The following SPCS2 variants were observed in gnomAD, a reference collection of about 807,000 sequenced individuals.
The protein encoded by SPCS2 is SPase 25 kDa subunit.
SPCS2 carries 3 observed loss-of-function variants against 22.3 expected under a neutral mutation model. That is an observed-to-expected ratio of 0.13 (90% CI 0.06 to 0.35). The LOEUF (loss-of-function observed/expected upper bound fraction) is 0.35. Ranked by LOEUF, SPCS2 falls within the 10% of genes least tolerant of loss-of-function variation. The probability of loss-of-function intolerance (pLI) is 1.00; values close to 1 mark genes in which losing one functional copy is unlikely to be tolerated. For synonymous variants in SPCS2, 67 were observed against 97.2 expected, an observed-to-expected ratio of 0.69 and a Z score of 1.83; for missense variants, 169 against 280.9, an observed-to-expected ratio of 0.60 and a Z score of 2.85.
At chr11:74,958,683 C>G (rs531436018) in intron 1 of SPCS2, among the ~76,000 whole-genome samples, 60 of 152,296 alleles carry the variant, frequency 3.9e-4, no homozygotes, top group African/African-American at 1.4e-3. Flanking sequence ...ATGGCTCCAA[C>G]AAGTCATCCA....
At chr11:74,961,134 A>C (rs1187831667) in intron 1 of SPCS2, among the ~76,000 whole-genome samples, 1 of 152,188 alleles carries the variant, frequency 6.6e-6, no homozygotes, top group Non-Finnish European at 1.5e-5. Context: ...CAATACATAC[A>C]GTCAGGTAAC....
intron 4 of SPCS2, among the ~76,000 whole-genome samples, chr11:74,972,239 T>A (rs1948588908): frequency 6.6e-6 from 1 of 152,136 alleles, no homozygotes; most frequent in Non-Finnish European, 1.5e-5. Flanking sequence ...AATTTTTGTA[T>A]TTTTTGTAGA....
At chr11:74,960,264 G>A (rs1457237656) in intron 1 of SPCS2, among the ~76,000 whole-genome samples, 1 of 152,234 alleles carries the variant, frequency 6.6e-6, no homozygotes, top group Non-Finnish European at 1.5e-5. Flanking sequence ...CCCAGGAGGC[G>A]GAGGTTACAG....
intron 4 of SPCS2, among the ~76,000 whole-genome samples, chr11:74,976,244 G>C (rs1948613019): frequency 6.6e-6 from 1 of 152,184 alleles, no homozygotes. Context: ...AGACAATCCT[G>C]ATTCAAGCAC....
intron 1 of SPCS2, among the ~76,000 whole-genome samples, chr11:74,958,521 A>G (rs979156076): frequency 6.6e-6 from 1 of 152,150 alleles, no homozygotes; most frequent in Admixed American, 6.5e-5. Flanking sequence ...GGGGGGATAT[A>G]GGCACTATAT....
intron 1 of SPCS2, among the ~76,000 whole-genome samples, chr11:74,952,000 G>T (rs1433964007): frequency 6.6e-6 from 1 of 152,068 alleles, no homozygotes; most frequent in Non-Finnish European, 1.5e-5. Context: ...CTCTCTAAAG[G>T]AACTGTAGTG....
Position 74,977,949 on chromosome 11 carries a change from T to C in SPCS2, c.*906T>C, listed in dbSNP as rs1253779845. The C allele has an allele frequency of 6.6e-6, 1 of 152,230 alleles. No homozygotes were observed. Among genetic ancestry groups the C allele is most frequent in the East Asian group, 1.9e-4 (1 of 5,202 alleles). 9.4% of individuals were successfully genotyped at this position (152,230 alleles called of 1,614,324 possible). On this transcript the variant is annotated 3_prime_UTR_variant, in exon 5 of 5. Coordinates refer to ENST00000263672, the MANE Select transcript of SPCS2 (RefSeq NM_014752.3). ...AAATGCTCCAAGTACTTTACATGTGTTAATAATGCTCACAGCAATCCTAAG... is the reference window on the plus strand; with the variant it reads ...AAATGCTCCAAGTACTTTACATGTGCTAATAATGCTCACAGCAATCCTAAG...
intron 4 of SPCS2, among the ~76,000 whole-genome samples, chr11:74,973,126 G>T (rs371434279): frequency 3.9e-5 from 6 of 152,112 alleles, no homozygotes; most frequent in African/African-American, 1.4e-4. Flanking sequence ...GCAAGTGGTG[G>T]CTGATGTTTC....
intron 1 of SPCS2, among the ~76,000 whole-genome samples, chr11:74,953,532 G>A (rs1006615978): frequency 1.2e-4 from 19 of 152,242 alleles, no homozygotes; most frequent in South Asian, 4.1e-4. Flanking sequence ...TGATTTGGGC[G>A]GGGAGGGTTT....
intron 1 of SPCS2, among the ~76,000 whole-genome samples, chr11:74,961,054 T>C (rs1249339596): frequency 6.6e-6 from 1 of 151,638 alleles, no homozygotes; most frequent in Non-Finnish European, 1.5e-5. Context: ...AAAAAAGCTA[T>C]TGAGAGTATA....
At chr11:74,950,094 G>A (rs909170915) in intron 1 of SPCS2, among the ~76,000 whole-genome samples, 1 of 152,014 alleles carries the variant, frequency 6.6e-6, no homozygotes. Context: ...TAGCAACAAG[G>A]GTTTAAAAGA....
chr11:74,951,526 C>T (rs755527697), intron 1 of SPCS2, among the ~76,000 whole-genome samples: 1 of 151,844 alleles, frequency 6.6e-6, no homozygotes, highest in Non-Finnish European at 1.5e-5. Flanking sequence ...GAGTAAGAGC[C>T]TCGGCCGGGC....
intron 1 of SPCS2, among the ~76,000 whole-genome samples, chr11:74,951,285 A>T (rs1447558598): frequency 6.6e-6 from 1 of 152,228 alleles, no homozygotes; most frequent in Non-Finnish European, 1.5e-5. Context: ...AGAACCAAGT[A>T]AGACAGTACA....
rs190083726 is a variant in SPCS2, at chr11:74,956,221, A to G, written c.114+6822A>G. ...TACCCTCATCCCAAGGTGATACCCA[A>G]TGTCATGACTTAAATAACATGTAGA... On this transcript the variant is annotated intron_variant, in intron 1 of 4. Transcript: ENST00000263672. Among the ~76,000 whole-genome samples, 1,300 of 151,940 alleles carry G rather than the reference A, an allele frequency of 8.6e-3. 9 individuals carry two copies. The highest frequency in any genetic ancestry group is 0.037 in the South Asian group (176 of 4,802).
chr11:74,959,659 T>A (rs1261507950), intron 1 of SPCS2, among the ~76,000 whole-genome samples: 1 of 152,232 alleles, frequency 6.6e-6, no homozygotes, highest in Non-Finnish European at 1.5e-5. Flanking sequence ...CACCTTGGCC[T>A]CCCAAAGTGC....
chr11:74,975,548 C>G (rs1001554621), intron 4 of SPCS2, among the ~76,000 whole-genome samples: 2 of 152,158 alleles, frequency 1.3e-5, no homozygotes, highest in African/African-American at 4.8e-5. Flanking sequence ...TCATGGACTG[C>G]CACCAAAGCC....
chr11:74,955,439 C>A (rs997359850), intron 1 of SPCS2, among the ~76,000 whole-genome samples: 1 of 151,896 alleles, frequency 6.6e-6, no homozygotes, highest in Non-Finnish European at 1.5e-5. Flanking sequence ...CCTGAAAATG[C>A]GCTAAGTGAA....
chr11:74,951,449 C>G (rs1475838077), intron 1 of SPCS2, among the ~76,000 whole-genome samples: 2 of 152,068 alleles, frequency 1.3e-5, no homozygotes, highest in African/African-American at 4.8e-5. Flanking sequence ...TATATTCGCT[C>G]AAGTGTGTAC....
In SPCS2 at chr11:74,977,107, G is replaced by A. The variant is rs1948618874; in HGVS notation, c.*64G>A. On this transcript the variant is annotated 3_prime_UTR_variant, in exon 5 of 5. Transcript: ENST00000263672. ...TGAATTAGTGGCTTGGGGGGTGGGG[G>A]AGATAAAAAGAACTTAAAATGGGTA... is the stretch of plus-strand genomic sequence containing the variant. 5.6e-6 allele frequency: 6 copies of A among 1,064,676 alleles called. No individual in the cohort carries two copies. The East Asian group carries it at 1.6e-4, about 29-fold the overall frequency. 66.0% of individuals were successfully genotyped at this position (1,064,676 alleles called of 1,614,324 possible). A position where few individuals can be genotyped will look rare whatever the true frequency, so the allele number is the denominator to read the frequency against.
Sources: gnomAD v4.1 joint callset for allele counts (sites outside exome capture counted in the v4.1 genomes callset) on GRCh38, gnomAD v4.1.1 for gene constraint, MANE v1.5 for transcripts, NCBI Gene and HGNC (gene_info 2026-07-23, HGNC 2026-07-21) for gene names.